The following KCTD1 variants were observed in gnomAD, a reference collection of about 807,000 sequenced individuals.
The protein encoded by KCTD1 is BTB/POZ domain-containing protein KCTD1.
Under a neutral mutation model 66.0 loss-of-function variants are expected in KCTD1, and 24 were observed. That is an observed-to-expected ratio of 0.36 (90% confidence interval 0.26 to 0.51). The LOEUF (loss-of-function observed/expected upper bound fraction) is 0.51. Among genes scored for constraint, KCTD1 ranks in the 20% least tolerant of loss-of-function variants. The pLI, the probability that KCTD1 is intolerant of heterozygous loss-of-function variation, is 0.95. For missense variants in KCTD1, 943 were observed against 1,205.2 expected (o/e 0.78, Z 3.22); for synonymous variants, 511 against 517.2 (o/e 0.99, Z 0.16).
intron 1 of KCTD1, among the ~76,000 whole-genome samples, chr18:26,587,737 ACAAC>A: frequency 6.6e-6 from 1 of 152,326 alleles, no homozygotes; most frequent in East Asian, 1.9e-4. Context: ...AGACATCAAG[ACAAC>A]AGTGGAGGAA....
At chr18:26,505,525 T>C (rs1047712356) in intron 1 of KCTD1, among the ~76,000 whole-genome samples, 9 of 152,250 alleles carry the variant, frequency 5.9e-5, no homozygotes, top group Non-Finnish European at 1.2e-4. Flanking sequence ...TCCTCCCCTG[T>C]GCAGCCCATT....
intron 1 of KCTD1, among the ~76,000 whole-genome samples, chr18:26,504,245 A>T (rs1982917102): frequency 6.6e-6 from 1 of 151,908 alleles, no homozygotes; most frequent in Non-Finnish European, 1.5e-5. Context: ...AACTATTATT[A>T]TTATTGTTAT....
chr18:26,624,652 C>T (rs573281524), intron 1 of KCTD1, among the ~76,000 whole-genome samples: 81 of 152,346 alleles, frequency 5.3e-4, no homozygotes, highest in East Asian at 2.3e-3. Flanking sequence ...GCTGCAGTGG[C>T]GGAGCCTTCA....
chr18:26,536,742 G>A (rs1419972517), intron 1 of KCTD1, among the ~76,000 whole-genome samples: 1 of 152,114 alleles, frequency 6.6e-6, no homozygotes, highest in Non-Finnish European at 1.5e-5. Context: ...CACACCGTAA[G>A]TGCTCAATAA....
At chr18:26,461,683 C>CACTT (rs1397859345) in intron 3 of KCTD1, among the ~76,000 whole-genome samples, 7 of 152,196 alleles carry the variant, frequency 4.6e-5, no homozygotes, top group East Asian at 1.9e-4. Flanking sequence ...CTGACCTAAA[C>CACTT]ACTTATTTAC....
At chr18:26,491,669 G>A (rs1472070692) in intron 2 of KCTD1, among the ~76,000 whole-genome samples, 2 of 152,186 alleles carry the variant, frequency 1.3e-5, no homozygotes, top group African/African-American at 4.8e-5. Flanking sequence ...GTTCACGGCA[G>A]GAAGTGACTG....
At chr18:26,541,703 C>A (rs1567986492) in intron 1 of KCTD1, among the ~76,000 whole-genome samples, 2 of 152,198 alleles carry the variant, frequency 1.3e-5, no homozygotes, top group African/African-American at 4.8e-5. Context: ...GTGGGCATTG[C>A]AGGGTCTGTC....
rs1985347948 is a variant in KCTD1, at chr18:26,548,165, A to G, written c.372T>C (p.Asn124=). 6.7e-7 allele frequency: 1 copy of G among 1,482,682 alleles called. No homozygotes were observed. The highest frequency in any genetic ancestry group is 8.9e-7 in the Non-Finnish European group (1 of 1,119,030). The allele number at this position is 1,482,682 out of a possible 1,614,324, so 91.8% of individuals were successfully genotyped here. Residue 124 remains asparagine (N), a synonymous_variant, in exon 1 of 5, where the codon AAT becomes AAC. Coordinates refer to ENST00000580059, the MANE Select transcript of KCTD1 (RefSeq NM_001142730.3). ...GCTCCAGCGCGGCGCTCTGGTCCAT[A>G]TTGATCATATGGACCGGCTCGGGCT... ...ELEPEPVHMI[N]MDQSAALEPE... is the part of the protein sequence containing the mutation.
intron 1 of KCTD1, among the ~76,000 whole-genome samples, chr18:26,574,869 G>A (rs1025509102): frequency 6.6e-6 from 1 of 152,062 alleles, no homozygotes; most frequent in Non-Finnish European, 1.5e-5. Context: ...TGGGCCCTAT[G>A]AGAAACAAGT....
chr18:26,601,374 T>C (rs1166995195), intron 1 of KCTD1, among the ~76,000 whole-genome samples: 1 of 139,660 alleles, frequency 7.2e-6, no homozygotes, highest in Non-Finnish European at 1.6e-5. Flanking sequence ...TGACCATAAA[T>C]GTAAAGGCAT....
chr18:26,514,295 A>G lies in KCTD1; in HGVS notation c.1810-13045T>C, dbSNP rs147475728. Among the ~76,000 whole-genome samples the G allele has an allele frequency of 6.0e-4, 92 of 152,300 alleles. No individual in the cohort carries two copies. The East Asian group carries it at 0.011, about 18-fold the overall frequency. On this transcript the variant is annotated intron_variant, in intron 1 of 4. Transcript: ENST00000580059. ...GAGCCAAGCACAGTGGCTCATGCTT[A>G]TAATCCCAGTGACTTGGGAGGCTGA...
intron 1 of KCTD1, among the ~76,000 whole-genome samples, chr18:26,536,439 A>G (rs1567984651): frequency 6.6e-6 from 1 of 152,226 alleles, no homozygotes; most frequent in South Asian, 2.1e-4. Context: ...AAAGGCTTAA[A>G]TTTTTTGACA....
chr18:26,539,586 A>C (rs1379283777), intron 1 of KCTD1, among the ~76,000 whole-genome samples: 4 of 152,218 alleles, frequency 2.6e-5, no homozygotes, highest in African/African-American at 9.6e-5. Context: ...CTCTCCAATG[A>C]ATGAATCAAG....
In KCTD1 at chr18:26,547,034, G is replaced by A. The variant is rs1168415423; in HGVS notation, c.1503C>T (p.His501=). The A allele has an allele frequency of 6.1e-6, 9 of 1,487,016 alleles. No homozygotes were observed. The African/African-American group carries it at 8.3e-5, about 14-fold the overall frequency. The allele number at this position is 1,487,016 out of a possible 1,614,324, so 92.1% of individuals were successfully genotyped here. The change falls in exon 1 of 5, where the codon CAC becomes CAT. Residue 501 remains histidine, a synonymous_variant. Transcript: ENST00000580059. ...GCGAGGGCGGCTGGGGGCGGTGGTG[G>A]TGGGAGGGATGGGTGGGGGGGTGGT... ...HSHHPPTHPS[H]HHRPQPPSLG...
At chr18:26,523,483 A>C (rs1038476297) in intron 1 of KCTD1, among the ~76,000 whole-genome samples, 2 of 152,208 alleles carry the variant, frequency 1.3e-5, no homozygotes, top group Non-Finnish European at 2.9e-5. Flanking sequence ...ATATGTGAGA[A>C]GCACATTAAA....
At position 26,539,886 on chromosome 18, in the gene KCTD1, T is replaced by G. The variant is rs375107047; in HGVS notation, c.1809+6842A>C. Among the ~76,000 whole-genome samples, 52 of 152,308 alleles carry G rather than the reference T, an allele frequency of 3.4e-4. 1 individual carries two copies. The East Asian group carries it at 6.2e-3, about 18-fold the overall frequency. On this transcript the variant is annotated intron_variant, in intron 1 of 4. Coordinates refer to ENST00000580059, the MANE Select transcript of KCTD1 (RefSeq NM_001142730.3). ...TGAAGGATTTTTTCAAATATCAAGTTTACATATACATATATATATATGAAG... is the reference window on the plus strand; with the variant it reads ...TGAAGGATTTTTTCAAATATCAAGTGTACATATACATATATATATATGAAG...
In KCTD1 at chr18:26,547,049, G is replaced by A. The variant is rs1289520458; in HGVS notation, c.1488C>T (p.Pro496=). ...GAARHHSHHP[P]THPSHHHRPQ... ...GGCGGTGGTGGTGGGAGGGATGGGTGGGGGGGTGGTGGGAGTGGTGCCGTG... is the reference window on the plus strand; with the variant it reads ...GGCGGTGGTGGTGGGAGGGATGGGTAGGGGGGTGGTGGGAGTGGTGCCGTG... Residue 496 remains proline, a synonymous_variant, in exon 1 of 5, where the codon CCC becomes CCT. Transcript: ENST00000580059. The A allele has an allele frequency of 1.3e-6, 2 of 1,489,510 alleles. No individual in the cohort carries two copies. The highest frequency in any genetic ancestry group is 1.8e-6 in the Non-Finnish European group (2 of 1,115,358). 92.3% of individuals were successfully genotyped at this position (1,489,510 alleles called of 1,614,324 possible).
intron 1 of KCTD1, among the ~76,000 whole-genome samples, chr18:26,532,250 TTTCTTTCCTTC>T: frequency 1.7e-5 from 2 of 120,504 alleles, no homozygotes; most frequent in African/African-American, 6.3e-5. Context: ...TTCTTTTTCT[TTTCTTTCCTTC>T]TTTTTTTTTT....
intron 1 of KCTD1, among the ~76,000 whole-genome samples, chr18:26,575,010 C>G (rs1173846176): frequency 1.3e-5 from 2 of 152,182 alleles, no homozygotes; most frequent in Non-Finnish European, 2.9e-5. Context: ...TGAAATTATC[C>G]TGAGCAATTT....
Sources: allele counts gnomAD v4.1 joint callset (sites outside exome capture counted in the v4.1 genomes callset), GRCh38; gene constraint gnomAD v4.1.1; transcripts MANE v1.5; gene names NCBI Gene and HGNC (gene_info 2026-07-23, HGNC 2026-07-21).